Variants in TACC1 observed in about 807,000 individuals in gnomAD.
TACC1 encodes transforming acidic coiled-coil containing protein 1.
In TACC1, 48 loss-of-function variants were observed where a neutral mutation model predicts 84.4. The ratio of observed to expected loss-of-function variants is 0.57; its 90% CI spans 0.45 to 0.72. The LOEUF (loss-of-function observed/expected upper bound fraction) is 0.72, where lower values mean the gene tolerates loss of function less well. Among genes scored for constraint, TACC1 ranks in the 30% least tolerant of loss-of-function variants. The pLI is 0.00. For synonymous variants in TACC1, 372 were observed against 376.3 expected, an observed-to-expected ratio of 0.99 and a Z score of 0.13; for missense variants, 920 against 973.0, an observed-to-expected ratio of 0.95 and a Z score of 0.72.
At chr8:38,826,751 A>G (rs560793475) in intron 4 of TACC1, among the ~76,000 whole-genome samples, 94 of 152,340 alleles carry the variant, frequency 6.2e-4, no homozygotes, top group African/African-American at 2.0e-3. Flanking sequence ...AGTAAATTCA[A>G]TATTTAGAAT....
intron 3 of TACC1, among the ~76,000 whole-genome samples, chr8:38,748,136 A>G (rs1808397961): frequency 6.6e-6 from 1 of 152,242 alleles, no homozygotes; most frequent in African/African-American, 2.4e-5. Context: ...TATCATGTAA[A>G]TAGTAAGCAC....
At chr8:38,735,805 T>C (rs1349740024) in intron 1 of TACC1, among the ~76,000 whole-genome samples, 3 of 152,212 alleles carry the variant, frequency 2.0e-5, no homozygotes, top group Admixed American at 2.0e-4. Context: ...GAATGGATCC[T>C]GACCCACCTG....
intron 3 of TACC1, among the ~76,000 whole-genome samples, chr8:38,753,382 G>A (rs1248778519): frequency 3.9e-5 from 6 of 152,164 alleles, no homozygotes; most frequent in South Asian, 2.1e-4. Context: ...GAAATTACAG[G>A]TGTGAGCCAC....
At chr8:38,797,423 C>T (rs946280806) in intron 2 of TACC1, among the ~76,000 whole-genome samples, 2 of 152,194 alleles carry the variant, frequency 1.3e-5, no homozygotes, top group African/African-American at 4.8e-5. Flanking sequence ...CTTCCTTTGG[C>T]GTCTCTTCAC....
At chr8:38,734,274 C>A (rs900628426) in intron 1 of TACC1, among the ~76,000 whole-genome samples, 1 of 152,142 alleles carries the variant, frequency 6.6e-6, no homozygotes, top group African/African-American at 2.4e-5. Flanking sequence ...CTCACTGCAA[C>A]CTCCGCCTCA....
rs183124290 is a variant in TACC1, at chr8:38,849,368, C to T, written c.*1345C>T. ...CATTAACCCCAACATGGAATTTTTC[C>T]ATATAAATCTCAATGAATTCCCTTT... On this transcript the variant is annotated 3_prime_UTR_variant, in exon 13 of 13. Transcript: ENST00000317827. The T allele has an allele frequency of 1.3e-5, 2 of 152,316 alleles. No individual in the cohort carries two copies. Among genetic ancestry groups the T allele is most frequent in the East Asian group, 3.9e-4 (2 of 5,188 alleles). The allele number at this position is 152,316 out of a possible 1,614,324, so 9.4% of individuals were successfully genotyped here.
At chr8:38,734,423 T>A (rs1188560595) in intron 1 of TACC1, among the ~76,000 whole-genome samples, 3 of 152,164 alleles carry the variant, frequency 2.0e-5, no homozygotes, top group Admixed American at 6.6e-5. Context: ...CTTGAACTTC[T>A]GACCTCAGGT....
chr8:38,790,643 C>A (rs1818423547), intron 2 of TACC1, among the ~76,000 whole-genome samples: 1 of 152,204 alleles, frequency 6.6e-6, no homozygotes, highest in African/African-American at 2.4e-5. Flanking sequence ...TATTGCTTAG[C>A]AACTTCTTCG....
intron 3 of TACC1, among the ~76,000 whole-genome samples, chr8:38,750,899 A>T (rs1808910422): frequency 6.6e-6 from 1 of 152,184 alleles, no homozygotes; most frequent in Non-Finnish European, 1.5e-5. Flanking sequence ...TCCCACGAAA[A>T]TCGTAACTTT....
chr8:38,773,597 TCTATCTAG>T (rs1177063489), intron 3 of TACC1, among the ~76,000 whole-genome samples: 2 of 147,722 alleles, frequency 1.4e-5, no homozygotes, highest in African/African-American at 2.7e-5. Context: ...TAGCTATCTA[TCTATCTAG>T]CTATCTATCT....
At chr8:38,819,117 T>G (rs1405496299) in intron 2 of TACC1, among the ~76,000 whole-genome samples, 1 of 152,338 alleles carries the variant, frequency 6.6e-6, no homozygotes, top group East Asian at 1.9e-4. Flanking sequence ...CAGGCTGTGC[T>G]TAGGAACTGT....
At position 38,732,429 on chromosome 8, in the gene TACC1, C is replaced by CA. The variant is rs1407585652; in HGVS notation, c.-675+3760dup. On this transcript the variant is annotated intron_variant, in intron 1 of 14. Transcript: ENST00000518415. ...TATAGCTGATTTAAAACAACAACAA[C>CA]AACAAAAAAAAACCCAGGAGATCAA... 8.7e-5 allele frequency among the ~76,000 whole-genome samples: 13 copies of CA among 149,762 alleles called. No individual in the cohort carries two copies. The South Asian group carries it at 1.7e-3, about 19-fold the overall frequency.
At chr8:38,827,915 T>C (rs1828464200) in intron 5 of TACC1, 1 of 157,368 alleles carries the variant, frequency 6.4e-6, no homozygotes, top group Non-Finnish European at 1.4e-5. Context: ...TTAACAAAGA[T>C]TTCACAGAAA....
rs550318776 is a variant in TACC1, at chr8:38,827,223, C to G, written c.1508C>G (p.Ala503Gly). 6.2e-7 allele frequency: 1 copy of G among 1,614,164 alleles called. No individual in the cohort carries two copies. Among genetic ancestry groups the G allele is most frequent in the Non-Finnish European group, 8.5e-7 (1 of 1,180,030 alleles). ...ISDISNRDGH[A>G]TDEEKLASTS... ...GACATTTCTAATAGGGATGGCCATGCTACTGATGAGGAGAAACTGGCATCC... is the reference window on the plus strand; with the variant it reads ...GACATTTCTAATAGGGATGGCCATGGTACTGATGAGGAGAAACTGGCATCC... The change falls in exon 5 of 13, where the codon GCT (alanine) becomes GGT (glycine). Residue 503 changes from alanine to glycine, a missense_variant. Around this residue, in one of 2 missense-constraint regions of TACC1, gnomAD observed 762 missense variants for 747.3 expected, o/e 1.02. Transcript: ENST00000317827.
chr8:38,792,463 T>A (rs1587721063), intron 2 of TACC1, among the ~76,000 whole-genome samples: 1 of 151,948 alleles, frequency 6.6e-6, no homozygotes, highest in East Asian at 1.9e-4. Context: ...CTGGCTAATT[T>A]TTTGTTTTGT....
At chr8:38,831,331 T>C (rs1285577431) in intron 6 of TACC1, among the ~76,000 whole-genome samples, 154 bp downstream of exon 6, 1 of 152,216 alleles carries the variant, frequency 6.6e-6, no homozygotes, top group Non-Finnish European at 1.5e-5. Context: ...ACATAGTCTC[T>C]GCATTGTAAC....
At chr8:38,773,280 A>G (rs1047701618) in intron 3 of TACC1, among the ~76,000 whole-genome samples, 2 of 151,936 alleles carry the variant, frequency 1.3e-5, no homozygotes, top group Non-Finnish European at 2.9e-5. Flanking sequence ...AGCCGAGATC[A>G]TGCCACTGCA....
chr8:38,757,452 G>A (rs758037778), intron 3 of TACC1: 151 of 1,126,642 alleles, frequency 1.3e-4, no homozygotes, highest in Non-Finnish European at 1.6e-4. Context: ...TTGGGGGTTT[G>A]CGTGCCAGCC....
chr8:38,807,278 T>C (rs1210730573), intron 2 of TACC1, among the ~76,000 whole-genome samples: 1 of 152,202 alleles, frequency 6.6e-6, no homozygotes, highest in African/African-American at 2.4e-5. Flanking sequence ...ATTTGGTCTT[T>C]CTGGTCGTCA....
Sources: allele counts gnomAD v4.1 joint callset (sites outside exome capture counted in the v4.1 genomes callset), GRCh38; gene constraint gnomAD v4.1.1; regional missense constraint gnomAD v4.1.1; transcripts MANE v1.5; gene names NCBI Gene and HGNC (gene_info 2026-07-23, HGNC 2026-07-21).